TOGARAM2: variants seen among roughly 807,000 people sequenced by gnomAD.
The protein encoded by TOGARAM2 is TOG array regulator of axonemal microtubules 2.
Under a neutral mutation model 93.3 loss-of-function variants are expected in TOGARAM2, and 85 were observed. The observed-to-expected ratio is 0.91, with a 90% CI of 0.76 to 1.09. TOGARAM2 has a LOEUF of 1.09. TOGARAM2 is among the 50% of genes least tolerant of loss of function. The pLI, the probability that TOGARAM2 is intolerant of heterozygous loss-of-function variation, is 0.00. For missense variants in TOGARAM2, 1,277 were observed against 1,334.5 expected (o/e 0.96, Z 0.67); for synonymous variants, 593 against 552.8 (o/e 1.07, Z -1.02).
chr2:29,028,734 G>A (rs1665563794), intron 14 of TOGARAM2, among the ~76,000 whole-genome samples: 1 of 152,206 alleles, frequency 6.6e-6, no homozygotes, highest in Non-Finnish European at 1.5e-5. Flanking sequence ...TGGAGGCTCA[G>A]ACTGGAGAGT....
intron 1 of TOGARAM2, among the ~76,000 whole-genome samples, chr2:28,983,805 C>G (rs1672339416): frequency 6.6e-6 from 1 of 152,186 alleles, no homozygotes; most frequent in Non-Finnish European, 1.5e-5. Context: ...TTGCTCTGTG[C>G]TCTCACTAGC....
rs1340232860 is a variant in TOGARAM2, at chr2:29,035,518, C to A, written c.2280C>A (p.Arg760=). 1.6e-5 allele frequency: 25 copies of A among 1,556,882 alleles called. No homozygotes were observed. Among genetic ancestry groups the A allele is most frequent in the Non-Finnish European group, 2.2e-5 (25 of 1,151,212 alleles). ...GGCTGCGCTCCACACTGCAGGGCCG[C>A]GGGGAGATGGTGGAGCAGCTACGGG... ...LVGLRSTLQG[R]GEMVEQLREL... Residue 760 remains arginine (R), a synonymous_variant, in exon 17 of 20, where the codon CGC becomes CGA. Transcript: ENST00000379558.
At chr2:29,001,337 AT>A (rs1230462225) in intron 4 of TOGARAM2, among the ~76,000 whole-genome samples, 3 of 136,782 alleles carry the variant, frequency 2.2e-5, no homozygotes, top group East Asian at 2.0e-4. Flanking sequence ...TGGCTGGTTT[AT>A]TTTTTTTTAA....
chr2:29,007,616 C>A (rs1663962031), intron 6 of TOGARAM2, among the ~76,000 whole-genome samples: 2 of 152,134 alleles, frequency 1.3e-5, no homozygotes, highest in African/African-American at 4.8e-5. Context: ...TTTCATTTTC[C>A]TGCTTCCCCC....
intron 1 of TOGARAM2, among the ~76,000 whole-genome samples, chr2:28,968,661 C>T (rs1425080928): frequency 6.6e-6 from 1 of 151,618 alleles, no homozygotes; most frequent in Non-Finnish European, 1.5e-5. Flanking sequence ...ACAAAAAATA[C>T]AAAAAATATT....
chr2:28,957,377 C>T (rs1230824057), intron 1 of TOGARAM2, among the ~76,000 whole-genome samples: 2 of 152,038 alleles, frequency 1.3e-5, no homozygotes, highest in Non-Finnish European at 2.9e-5. Flanking sequence ...GACGGGGTTT[C>T]GCCATGTTGG....
At chr2:28,964,980 T>C (rs143140481) in intron 1 of TOGARAM2, among the ~76,000 whole-genome samples, 1,912 of 152,304 alleles carry the variant, frequency 0.013, 45 homozygotes, top group African/African-American at 0.043. Context: ...AATAGAATGA[T>C]TTATATTCCT....
rs1466012418 is a variant in TOGARAM2, at chr2:29,017,777, T to C, written c.1196-15T>C. 2 of 1,596,472 alleles carry C rather than the reference T, an allele frequency of 1.3e-6. No individual in the cohort carries two copies. Among genetic ancestry groups the C allele is most frequent in the East Asian group, 2.3e-5 (1 of 44,216 alleles). On this transcript the variant is annotated splice_polypyrimidine_tract_variant and intron_variant, in intron 9 of 19. Transcript: ENST00000379558. ...ACAGACCTGCCTAGTCCTAGGACTTTCTCTGTGTCCACAGGCCTCCTTCCC... is the reference window on the plus strand; with the variant it reads ...ACAGACCTGCCTAGTCCTAGGACTTCCTCTGTGTCCACAGGCCTCCTTCCC...
At position 28,970,113 on chromosome 2, in the gene TOGARAM2, G is replaced by A. The variant is rs184475708; in HGVS notation, c.-147+13416G>A. Reference sequence around the variant, plus strand: ...GGCATGAGCCACCGTGCCCGACATCGGTTGTCTTGTATACAATTCTTACAA... The same window carrying A: ...GGCATGAGCCACCGTGCCCGACATCAGTTGTCTTGTATACAATTCTTACAA... On this transcript the variant is annotated intron_variant, in intron 1 of 6. Coordinates refer to the TOGARAM2 transcript ENST00000401723. Among the ~76,000 whole-genome samples the A allele has an allele frequency of 5.9e-3, 899 of 152,248 alleles. 7 individuals are homozygous for A. Among genetic ancestry groups the A allele is most frequent in the South Asian group, 0.029 (140 of 4,824 alleles).
At chr2:28,975,349 C>T (rs866811889) in intron 1 of TOGARAM2, among the ~76,000 whole-genome samples, 5 of 151,834 alleles carry the variant, frequency 3.3e-5, no homozygotes, top group Non-Finnish European at 5.9e-5. Context: ...CCACCACGCC[C>T]GGCTATGTTT....
chr2:28,957,712 T>C (rs1302486121), intron 1 of TOGARAM2, among the ~76,000 whole-genome samples: 1 of 152,216 alleles, frequency 6.6e-6, no homozygotes, highest in African/African-American at 2.4e-5. Flanking sequence ...TACCACACTC[T>C]TACCTCATGA....
chr2:29,044,887 C>T (rs560442715), intron 18 of TOGARAM2, among the ~76,000 whole-genome samples: 1 of 152,044 alleles, frequency 6.6e-6, no homozygotes, highest in South Asian at 2.1e-4. Context: ...ATTCTGTTTC[C>T]CCTAAAACAT....
chr2:29,042,581 AGCAGCAGCTCTCT>A (rs1450261250), intron 18 of TOGARAM2, among the ~76,000 whole-genome samples: 4 of 152,188 alleles, frequency 2.6e-5, no homozygotes, highest in Non-Finnish European at 4.4e-5. Flanking sequence ...GATTTTATTC[AGCAGCAGCTCTCT>A]GCAGCAGCTT....
At chr2:28,985,107 C>T (rs1434991943) in intron 1 of TOGARAM2, among the ~76,000 whole-genome samples, 3 of 152,112 alleles carry the variant, frequency 2.0e-5, no homozygotes, top group African/African-American at 2.4e-5. Context: ...GTGGGGCCTT[C>T]GGGAGGTAAT....
chr2:29,006,505 G>A (rs1006752813), intron 6 of TOGARAM2, among the ~76,000 whole-genome samples: 3 of 152,142 alleles, frequency 2.0e-5, no homozygotes, highest in Non-Finnish European at 2.9e-5. Flanking sequence ...GTGTGTGTGC[G>A]TGTGCTCAGG....
At chr2:29,033,323 T>C in intron 15 of TOGARAM2, 146 bp from the exon 16 acceptor site, 2 of 793,030 alleles carry the variant, frequency 2.5e-6, no homozygotes, top group Non-Finnish European at 4.1e-6. Context: ...CCAGCTGCTT[T>C]CAGGGCTCTG....
At position 29,022,188 on chromosome 2, in the gene TOGARAM2, G is replaced by C; in HGVS notation, c.1391G>C (p.Gly464Ala). 1 of 1,614,028 alleles carries C rather than the reference G, an allele frequency of 6.2e-7. No individual in the cohort carries two copies. Among genetic ancestry groups the C allele is most frequent in the South Asian group, 1.1e-5 (1 of 91,086 alleles). The change falls in exon 11 of 20, where the codon GGG becomes GCG. Residue 464 changes from glycine to alanine, a missense_variant. Physicochemically the swap from Gly to Ala is moderately conservative, Grantham distance 60 (BLOSUM62 0). Transcript: ENST00000379558. Reference sequence around the variant, plus strand: ...TCATTACCTGCGGTGCTCACGTTGGGGTCTCCTGAATGGGAAGAAGAGGAG... The same window carrying C: ...TCATTACCTGCGGTGCTCACGTTGGCGTCTCCTGAATGGGAAGAAGAGGAG... ...ANSLPAVLTL[G>A]SPEWEEEEEM... is the part of the protein sequence containing the mutation.
intron 14 of TOGARAM2, among the ~76,000 whole-genome samples, chr2:29,030,951 C>A (rs1208467976): frequency 1.3e-5 from 2 of 152,210 alleles, no homozygotes; most frequent in African/African-American, 2.4e-5. Flanking sequence ...TCCAAGTCTG[C>A]CTCTCTGTGT....
Position 28,999,474 on chromosome 2 carries a change from C to G in TOGARAM2, c.427+6C>G. ...CTTGGCAGCGTCTTCCCGAGGTGAG[C>G]ACTGGCCCCTGCCCACCCCTCACCC... On this transcript the variant is annotated splice_donor_region_variant and intron_variant, in intron 4 of 19. Transcript: ENST00000379558. 1 of 1,590,220 alleles carries G rather than the reference C, an allele frequency of 6.3e-7. No homozygotes were observed. The highest frequency in any genetic ancestry group is 8.6e-7 in the Non-Finnish European group (1 of 1,167,342).
Sources: gnomAD v4.1 joint callset for allele counts (sites outside exome capture counted in the v4.1 genomes callset) on GRCh38, gnomAD v4.1.1 for gene constraint, MANE v1.5 for transcripts, NCBI Gene and HGNC (gene_info 2026-07-23, HGNC 2026-07-21) for gene names.